The following TRMT11 variants were observed in gnomAD, a reference collection of about 807,000 sequenced individuals.
The protein encoded by TRMT11 is tRNA (guanine(10)-N(2))-methyltransferase TRMT11.
TRMT11 carries 53 observed loss-of-function variants against 62.8 expected under a neutral mutation model. The observed-to-expected ratio is 0.84, with a 90% CI of 0.68 to 1.06. The LOEUF is 1.06. TRMT11 is among the 50% of genes least tolerant of loss of function. The probability of loss-of-function intolerance (pLI) is 0.00; values close to 1 mark genes in which losing one functional copy is unlikely to be tolerated. For synonymous variants in TRMT11, 188 were observed against 190.3 expected, an observed-to-expected ratio of 0.99 and a Z score of 0.10; for missense variants, 556 against 553.4, an observed-to-expected ratio of 1.00 and a Z score of -0.05.
chr6:126,200,716 G>A (rs1583908019), intron 3 of TRMT11, among the ~76,000 whole-genome samples: 1 of 152,058 alleles, frequency 6.6e-6, no homozygotes, highest in Non-Finnish European at 1.5e-5. Flanking sequence ...CACCACGCCT[G>A]GCTAATTTTT....
chr6:126,018,531 C>A (rs1384019972), intron 11 of TRMT11, among the ~76,000 whole-genome samples: 1 of 151,676 alleles, frequency 6.6e-6, no homozygotes, highest in African/African-American at 2.4e-5. Context: ...TATACAACTT[C>A]ATGGTTTTTA....
the TRMT11 span, among the ~76,000 whole-genome samples, chr6:126,225,304 G>C: frequency 2.0e-5 from 3 of 152,106 alleles, no homozygotes; most frequent in African/African-American, 7.2e-5. Context: ...TAGGATCCTG[G>C]AGGTCCATGG....
intron 21 of TRMT11, among the ~76,000 whole-genome samples, chr6:126,117,170 G>A (rs1482422952): frequency 6.6e-6 from 1 of 152,088 alleles, no homozygotes; most frequent in Non-Finnish European, 1.5e-5. Flanking sequence ...CTAGTAGCCA[G>A]TGTGTTGAGG....
intron 11 of TRMT11, among the ~76,000 whole-genome samples, chr6:126,016,097 C>G (rs1003694491): frequency 6.6e-6 from 1 of 152,168 alleles, no homozygotes; most frequent in African/African-American, 2.4e-5. Context: ...TGTTTTTCAT[C>G]AAACCACTAC....
intron 17 of TRMT11, among the ~76,000 whole-genome samples, chr6:126,089,886 A>G (rs1331647005): frequency 1.3e-5 from 2 of 152,242 alleles, no homozygotes; most frequent in Non-Finnish European, 2.9e-5. Flanking sequence ...GCTAATGCAC[A>G]GTTTATTTAT....
intron 7 of TRMT11, among the ~76,000 whole-genome samples, chr6:126,000,881 CT>C (rs1436151891): frequency 6.6e-6 from 1 of 152,084 alleles, no homozygotes; most frequent in Non-Finnish European, 1.5e-5. Flanking sequence ...AAATTTTAAA[CT>C]TTTTATTGGA....
At chr6:126,005,192 CAG>C (rs1793178629) in intron 7 of TRMT11, among the ~76,000 whole-genome samples, 2 of 152,042 alleles carry the variant, frequency 1.3e-5, no homozygotes, top group South Asian at 2.1e-4. Flanking sequence ...CTCTTATTAA[CAG>C]AGTGTGTAGC....
At chr6:126,210,579 T>C in the TRMT11 span, among the ~76,000 whole-genome samples, 1 of 152,208 alleles carries the variant, frequency 6.6e-6, no homozygotes, top group East Asian at 1.9e-4. Flanking sequence ...GATGCAGCAA[T>C]AGGAAAATGA....
At chr6:126,247,515 TAAATATATAA>T in the TRMT11 span, among the ~76,000 whole-genome samples, 197 of 146,584 alleles carry the variant, frequency 1.3e-3, no homozygotes, top group African/African-American at 4.6e-3. Context: ...TCTCTATATA[TAAATATATAA>T]ATAAATATAT....
At chr6:126,000,493 G>T (rs556511757) in intron 7 of TRMT11, among the ~76,000 whole-genome samples, 17 of 152,154 alleles carry the variant, frequency 1.1e-4, no homozygotes, top group African/African-American at 3.6e-4. Flanking sequence ...TTAAAAATTT[G>T]CTTGAGGAAA....
rs191450921 is a variant in TRMT11 at position 126,165,145 on chromosome 6, G to A, written c.*1824-9680G>A. ...TAAAGAAAATTAGCTGGGCGTAGTG[G>A]TGGGTGCCTATAATCCCAGCTACTC... On this transcript the variant is annotated intron_variant and NMD_transcript_variant, in intron 21 of 22. Transcript: ENST00000648977. Among the ~76,000 whole-genome samples the A allele has an allele frequency of 1.8e-4, 27 of 152,198 alleles. No homozygotes were observed. The East Asian group carries it at 3.9e-3, about 22-fold the overall frequency.
At chr6:126,056,876 G>C (rs1776389591) in intron 17 of TRMT11, among the ~76,000 whole-genome samples, 1 of 152,164 alleles carries the variant, frequency 6.6e-6, no homozygotes, top group African/African-American at 2.4e-5. Context: ...TGATAACGTG[G>C]CTTTCACTTC....
At chr6:126,246,765 C>T in the TRMT11 span, among the ~76,000 whole-genome samples, 1 of 152,138 alleles carries the variant, frequency 6.6e-6, no homozygotes, top group Non-Finnish European at 1.5e-5. Context: ...ATTGAAAATA[C>T]ATATATCTAT....
intron 21 of TRMT11, among the ~76,000 whole-genome samples, chr6:126,123,993 T>A (rs1192379884): frequency 2.0e-5 from 3 of 152,074 alleles, no homozygotes; most frequent in Non-Finnish European, 2.9e-5. Context: ...TTACTTAGTT[T>A]AAAAATTTTT....
At chr6:126,250,272 GA>G in the TRMT11 span, among the ~76,000 whole-genome samples, 1 of 152,274 alleles carries the variant, frequency 6.6e-6, no homozygotes, top group African/African-American at 2.4e-5. Flanking sequence ...TGTAGAGACA[GA>G]AGTAGAATTG....
At chr6:126,240,146 G>C in the TRMT11 span, among the ~76,000 whole-genome samples, 1 of 151,988 alleles carries the variant, frequency 6.6e-6, no homozygotes, top group Non-Finnish European at 1.5e-5. Context: ...TCTTTGCCGT[G>C]GGTTCAAACT....
intron 21 of TRMT11, among the ~76,000 whole-genome samples, chr6:126,126,068 C>T (rs1777715196): frequency 6.6e-6 from 1 of 152,028 alleles, no homozygotes; most frequent in Non-Finnish European, 1.5e-5. Flanking sequence ...TAGGACACCA[C>T]CACTTCCCAT....
At chr6:126,111,421 AC>A (rs1418376169) in intron 17 of TRMT11, among the ~76,000 whole-genome samples, 2 of 151,970 alleles carry the variant, frequency 1.3e-5, no homozygotes, top group African/African-American at 4.8e-5. Flanking sequence ...TACCTTAGAC[AC>A]CCCCCACACT....
downstream of TRMT11, among the ~76,000 whole-genome samples, chr6:126,205,365 G>A (rs1011804817): frequency 2.6e-5 from 4 of 152,114 alleles, no homozygotes; most frequent in African/African-American, 7.2e-5. Context: ...TTTGCTGGGC[G>A]TGGTGGCGAG....
Sources: allele counts gnomAD v4.1 joint callset (sites outside exome capture counted in the v4.1 genomes callset), GRCh38; gene constraint gnomAD v4.1.1; transcripts MANE v1.5; gene names NCBI Gene and HGNC (gene_info 2026-07-23, HGNC 2026-07-21).